Variants in SAMD5 observed in about 807,000 individuals in gnomAD.
SAMD5 encodes sterile alpha motif domain-containing protein 5.
SAMD5 carries 13 observed loss-of-function variants against 11.3 expected under a neutral mutation model. The observed-to-expected ratio is 1.15, with a 90% confidence interval of 0.75 to 1.83. The LOEUF is 1.83. Ranked by LOEUF, SAMD5 falls within the 40% of genes most tolerant of loss-of-function variation. SAMD5 has a pLI of 0.00. For missense variants in SAMD5, 255 were observed against 239.1 expected (o/e 1.07, Z -0.44); for synonymous variants, 129 against 111.3 (o/e 1.16, Z -1.00).
At chr6:147,762,250 A>C in the SAMD5 span, among the ~76,000 whole-genome samples, 1 of 152,120 alleles carries the variant, frequency 6.6e-6, no homozygotes, top group Non-Finnish European at 1.5e-5. Context: ...CTGTCACCCA[A>C]GCTGGAGTAC....
At chr6:147,925,447 T>G in the SAMD5 span, among the ~76,000 whole-genome samples, 2 of 152,098 alleles carry the variant, frequency 1.3e-5, no homozygotes, top group African/African-American at 2.4e-5. Flanking sequence ...CCTAAATAAG[T>G]AATAAACACT....
intron 1 of SAMD5, among the ~76,000 whole-genome samples, chr6:147,708,163 G>A (rs1443050393): frequency 6.6e-6 from 1 of 152,170 alleles, no homozygotes; most frequent in Non-Finnish European, 1.5e-5. Context: ...GGGTACTTAA[G>A]TTAAAATCAG....
At chr6:147,681,936 TGA>T (rs954048708) in intron 1 of SAMD5, among the ~76,000 whole-genome samples, 3 of 152,182 alleles carry the variant, frequency 2.0e-5, no homozygotes, top group African/African-American at 7.2e-5. Context: ...GCCCCTTTTG[TGA>T]GTTTCTTTCC....
At chr6:147,835,308 G>A in the SAMD5 span, among the ~76,000 whole-genome samples, 1 of 151,428 alleles carries the variant, frequency 6.6e-6, no homozygotes, top group African/African-American at 2.4e-5. Context: ...TTCATCATCT[G>A]GTTTCTTTGA....
intron 1 of SAMD5, among the ~76,000 whole-genome samples, chr6:147,621,001 C>A (rs540388613): frequency 6.7e-6 from 1 of 149,626 alleles, no homozygotes; most frequent in Non-Finnish European, 1.5e-5. Context: ...CGCGCGCGCA[C>A]ATGCGCGCGC....
chr6:147,516,306 G>A (rs949024503), intron 1 of SAMD5, among the ~76,000 whole-genome samples: 1 of 152,112 alleles, frequency 6.6e-6, no homozygotes, highest in Non-Finnish European at 1.5e-5. Context: ...GGCAGCCCAT[G>A]GAATTCATTT....
chr6:147,719,119 A>C (rs1258157065), intron 1 of SAMD5, among the ~76,000 whole-genome samples: 1 of 152,210 alleles, frequency 6.6e-6, no homozygotes, highest in Non-Finnish European at 1.5e-5. Context: ...TATCAGTTGG[A>C]GTGAGCAGTC....
At chr6:147,611,498 G>C (rs1232570325) in intron 1 of SAMD5, among the ~76,000 whole-genome samples, 1 of 151,224 alleles carries the variant, frequency 6.6e-6, no homozygotes, top group Non-Finnish European at 1.5e-5. Flanking sequence ...AGGATGCGGA[G>C]GTTGCAGTGA....
At chr6:147,589,935 T>C (rs1789429690) in intron 1 of SAMD5, among the ~76,000 whole-genome samples, 2 of 152,178 alleles carry the variant, frequency 1.3e-5, no homozygotes, top group Non-Finnish European at 2.9e-5. Context: ...ATATTCTAAA[T>C]ATGTGCATAC....
At chr6:147,705,998 C>A (rs2128458178) in intron 1 of SAMD5, among the ~76,000 whole-genome samples, 2 of 152,124 alleles carry the variant, frequency 1.3e-5, no homozygotes, top group African/African-American at 4.8e-5. Context: ...ATGTTTGTTT[C>A]TATATTTATT....
At chr6:147,897,943 TAAAAAAAAAAAA>T in the SAMD5 span, among the ~76,000 whole-genome samples, 23,372 of 89,814 alleles carry the variant, frequency 0.26, 2,647 homozygotes, top group Admixed American at 0.28. Flanking sequence ...AGATTTTTCT[TAAAAAAAAAAAA>T]AAAAAAAAAA....
At chr6:147,517,279 G>A (rs471833) in intron 1 of SAMD5, among the ~76,000 whole-genome samples, 71,705 of 152,064 alleles carry the variant, frequency 0.47, 19,678 homozygotes, top group African/African-American at 0.77. Context: ...TGGCCTTCCA[G>A]TTGAAAGTAA....
At chr6:147,860,127 G>A in the SAMD5 span, among the ~76,000 whole-genome samples, 1 of 152,062 alleles carries the variant, frequency 6.6e-6, no homozygotes, top group Admixed American at 6.6e-5. Flanking sequence ...CTCTCTGAAG[G>A]CTCCAGGGGA....
chr6:147,728,634 C>A (rs1231860150), intron 1 of SAMD5, among the ~76,000 whole-genome samples: 1 of 152,018 alleles, frequency 6.6e-6, no homozygotes, highest in Non-Finnish European at 1.5e-5. Flanking sequence ...CCAGGTTCTT[C>A]AATAGACAAA....
the SAMD5 span, among the ~76,000 whole-genome samples, chr6:147,907,060 C>T: frequency 6.6e-6 from 1 of 152,204 alleles, no homozygotes. Context: ...ACACTGGGCA[C>T]CTTCTTCACA....
chr6:147,800,185 C>G, the SAMD5 span, among the ~76,000 whole-genome samples: 38 of 152,134 alleles, frequency 2.5e-4, no homozygotes, highest in African/African-American at 9.2e-4. Context: ...CTGTTTTTTC[C>G]CCATCTTTGT....
the SAMD5 span, among the ~76,000 whole-genome samples, chr6:147,885,795 A>T: frequency 1.3e-5 from 2 of 152,214 alleles, no homozygotes; most frequent in African/African-American, 4.8e-5. Flanking sequence ...GATCATGGTG[A>T]TTATACAGCA....
intron 1 of SAMD5, among the ~76,000 whole-genome samples, chr6:147,597,397 G>A (rs1215929194): frequency 6.6e-6 from 1 of 152,150 alleles, no homozygotes; most frequent in Non-Finnish European, 1.5e-5. Context: ...TTTATTAAAA[G>A]AGCCCAGTTG....
chr6:147,746,240 TC>T, the SAMD5 span, among the ~76,000 whole-genome samples: 1 of 152,158 alleles, frequency 6.6e-6, no homozygotes, highest in Non-Finnish European at 1.5e-5. Flanking sequence ...CATGACTGCC[TC>T]CCTCCCTTCC....
Sources: allele counts gnomAD v4.1 joint callset (sites outside exome capture counted in the v4.1 genomes callset), GRCh38; gene constraint gnomAD v4.1.1; transcripts MANE v1.5; gene names NCBI Gene and HGNC (gene_info 2026-07-23, HGNC 2026-07-21).